EML6: variants seen among roughly 807,000 people sequenced by gnomAD.
The protein encoded by EML6 is echinoderm microtubule-associated protein-like 6.
Under a neutral mutation model 240.1 loss-of-function variants are expected in EML6, and 154 were observed. The ratio of observed to expected loss-of-function variants is 0.64; its 90% CI spans 0.56 to 0.73. EML6 has a LOEUF of 0.73. Ranked by LOEUF, EML6 falls within the 30% of genes least tolerant of loss-of-function variation. The probability of loss-of-function intolerance (pLI) is 0.00; values close to 1 mark genes in which losing one functional copy is unlikely to be tolerated. For synonymous variants in EML6, 1,148 were observed against 899.0 expected, an observed-to-expected ratio of 1.28 and a Z score of -4.95; for missense variants, 2,964 against 2,474.6, an observed-to-expected ratio of 1.20 and a Z score of -4.20.
chr2:54,879,238 G>T (rs1377343264), intron 16 of EML6, among the ~76,000 whole-genome samples: 1 of 152,188 alleles, frequency 6.6e-6, no homozygotes, highest in Non-Finnish European at 1.5e-5. Context: ...TGTCAGGTCG[G>T]CAGTTTACTT....
intron 2 of EML6, among the ~76,000 whole-genome samples, chr2:54,760,299 T>G (rs1485685173): frequency 2.6e-5 from 4 of 152,088 alleles, no homozygotes; most frequent in Non-Finnish European, 5.9e-5. Flanking sequence ...ACTACTGCTA[T>G]GAGTTTGGTA....
chr2:54,857,043 C>G (rs560615400), intron 11 of EML6, among the ~76,000 whole-genome samples: 2 of 152,280 alleles, frequency 1.3e-5, no homozygotes, highest in African/African-American at 2.4e-5. Context: ...AGGATGACTT[C>G]TAAGTTTGGG....
chr2:54,952,408 C>T (rs1458420463), intron 30 of EML6, among the ~76,000 whole-genome samples, 186 bp from the exon 31 acceptor site: 2 of 152,110 alleles, frequency 1.3e-5, no homozygotes, highest in Non-Finnish European at 2.9e-5. Context: ...AGACCCAAAA[C>T]AGAATATGAA....
rs1205080461 is a variant in EML6, at chr2:54,846,591, C to T, written c.1050-895C>T. 2.0e-5 allele frequency among the ~76,000 whole-genome samples: 3 copies of T among 151,638 alleles called. 1 individual carries two copies. The highest frequency in any genetic ancestry group is 4.2e-4 in the South Asian group (2 of 4,790). Reference sequence around the variant, plus strand: ...CTTGAACTCCTAGGCTCAAGCTATCCTCCTACCTCAGCCTCCCAAGTAGCT... The same window carrying T: ...CTTGAACTCCTAGGCTCAAGCTATCTTCCTACCTCAGCCTCCCAAGTAGCT... On this transcript the variant is annotated intron_variant, in intron 8 of 41. Transcript: ENST00000356458.
rs538935330 is a variant in EML6 at position 54,733,155 on chromosome 2, G to T, written c.197+7897G>T. On this transcript the variant is annotated intron_variant, in intron 2 of 41. Transcript: ENST00000356458. Reference sequence around the variant, plus strand: ...TTAACACAAAGGAGGGGAGCAGCAGGCCAGCCTACCTCCCGGGGATGAAAG... The same window carrying T: ...TTAACACAAAGGAGGGGAGCAGCAGTCCAGCCTACCTCCCGGGGATGAAAG... Among the ~76,000 whole-genome samples the T allele has an allele frequency of 2.6e-5, 4 of 152,346 alleles. No homozygotes were observed. In the South Asian group the frequency reaches 8.3e-4, roughly 32 times the overall value.
chr2:54,863,081 G>T (rs908500024), intron 12 of EML6, among the ~76,000 whole-genome samples: 1 of 152,226 alleles, frequency 6.6e-6, no homozygotes, highest in Non-Finnish European at 1.5e-5. Flanking sequence ...CAGCAGGCAT[G>T]AGCAGGTGAT....
At chr2:54,802,008 A>G (rs910766310) in intron 2 of EML6, among the ~76,000 whole-genome samples, 25 of 152,212 alleles carry the variant, frequency 1.6e-4, no homozygotes, top group African/African-American at 5.1e-4. Context: ...TCTTGCATCC[A>G]TCTTGCTCTT....
chr2:54,899,598 C>T, intron 21 of EML6, 43 bp from the exon 22 acceptor site: 2 of 1,529,580 alleles, frequency 1.3e-6, no homozygotes, highest in Non-Finnish European at 1.8e-6. Flanking sequence ...GCTAGCCAAA[C>T]AGCATAAGTA....
At chr2:54,819,021 G>A (rs536148024) in intron 4 of EML6, among the ~76,000 whole-genome samples, 1 of 152,116 alleles carries the variant, frequency 6.6e-6, no homozygotes, top group Non-Finnish European at 1.5e-5. Flanking sequence ...AACAAAACTT[G>A]AGGTGGTATT....
chr2:54,901,780 C>G (rs1673068805), intron 22 of EML6, among the ~76,000 whole-genome samples: 1 of 152,208 alleles, frequency 6.6e-6, no homozygotes, highest in African/African-American at 2.4e-5. Flanking sequence ...AATGCCCTGG[C>G]ACAAGGCCAC....
At chr2:54,752,678 TTC>T (rs1301556228) in intron 2 of EML6, among the ~76,000 whole-genome samples, 1 of 152,274 alleles carries the variant, frequency 6.6e-6, no homozygotes, top group Non-Finnish European at 1.5e-5. Context: ...ATATAATTTA[TTC>T]TGTACTTGCT....
At chr2:54,912,125 C>G (rs531000433) in intron 25 of EML6, among the ~76,000 whole-genome samples, 3 of 152,164 alleles carry the variant, frequency 2.0e-5, no homozygotes, top group Non-Finnish European at 2.9e-5. Flanking sequence ...CATTTGGACA[C>G]GTGTACATTT....
At chr2:54,811,067 C>T (rs939468808) in intron 2 of EML6, among the ~76,000 whole-genome samples, 2 of 152,016 alleles carry the variant, frequency 1.3e-5, no homozygotes, top group African/African-American at 2.4e-5. Context: ...CCTCTGTTCT[C>T]ACCCCCAGTA....
intron 14 of EML6, chr2:54,867,906 C>T (rs1013560512): frequency 2.2e-4 from 34 of 152,122 alleles, no homozygotes; most frequent in Admixed American, 1.1e-3. Context: ...GTCACCATGT[C>T]ATACCCTCTG....
At chr2:54,795,951 A>T (rs541917294) in intron 2 of EML6, among the ~76,000 whole-genome samples, 1 of 152,308 alleles carries the variant, frequency 6.6e-6, no homozygotes, top group East Asian at 1.9e-4. Context: ...CTGGTGGGCT[A>T]CAACTGTTGG....
Position 54,895,021 on chromosome 2 carries a change from C to T in EML6, c.2849C>T (p.Ser950Leu). 6.5e-7 allele frequency: 1 copy of T among 1,545,564 alleles called. No homozygotes were observed. Among genetic ancestry groups the T allele is most frequent in the Non-Finnish European group, 8.8e-7 (1 of 1,141,354 alleles). ...AAAAGATCAGCATTGTCGACTAGCT[C>T]AAAAGGTGCCACTCCCAAACATGTA... Reference protein sequence around the residue: ...AIKRSALSTSSKGLLLEDNPS... With the variant: ...AIKRSALSTSLKGLLLEDNPS... The change falls in exon 20 of 42, where the codon TCA becomes TTA. Residue 950 changes from serine to leucine, a missense_variant. Physicochemically the swap from Ser to Leu is moderately radical, Grantham distance 145 (BLOSUM62 -2). Coordinates refer to ENST00000356458, the MANE Select transcript of EML6 (RefSeq NM_001039753.4).
rs376738999 is a variant in EML6 at position 54,917,399 on chromosome 2, C to G, written c.3675+464C>G. On this transcript the variant is annotated intron_variant, in intron 26 of 41. Coordinates refer to ENST00000356458, the MANE Select transcript of EML6 (RefSeq NM_001039753.4). ...TTGTTTTTTGAGACGGAGTTTCACT[C>G]TTTTGCCCAGGCTGGAGTGCAGTGG... 6.4e-4 allele frequency among the ~76,000 whole-genome samples: 73 copies of G among 114,844 alleles called. No homozygotes were observed. The East Asian group carries it at 0.019, about 30-fold the overall frequency. The allele number at this position is 114,844 out of a possible 152,430, so 75.3% of individuals were successfully genotyped here. A position where few individuals can be genotyped will look rare whatever the true frequency, so the allele number is the denominator to read the frequency against.
intron 2 of EML6, 104 bp from the exon 3 acceptor site, chr2:54,813,128 G>A (rs1289823795): frequency 1.2e-6 from 1 of 806,596 alleles, no homozygotes; most frequent in Non-Finnish European, 1.9e-6. Context: ...TCTTTCTCTT[G>A]AGATCACCTT....
intron 2 of EML6, among the ~76,000 whole-genome samples, chr2:54,729,073 C>T (rs536919140): frequency 2.6e-5 from 4 of 152,254 alleles, no homozygotes; most frequent in South Asian, 2.1e-4. Flanking sequence ...TAAACCTCTT[C>T]GAATCTTAAC....
Sources: gnomAD v4.1 joint callset for allele counts (sites outside exome capture counted in the v4.1 genomes callset) on GRCh38, gnomAD v4.1.1 for gene constraint, MANE v1.5 for transcripts, NCBI Gene and HGNC (gene_info 2026-07-23, HGNC 2026-07-21) for gene names.